Variants in ZNF493 observed in about 807,000 individuals in gnomAD.
The protein encoded by ZNF493 is zinc finger protein 493.
In ZNF493, 11 loss-of-function variants were observed where a neutral mutation model predicts 12.2. The ratio of observed to expected loss-of-function variants is 0.90; its 90% confidence interval spans 0.57 to 1.50. ZNF493 has a LOEUF of 1.50. Ranked by LOEUF, ZNF493 falls within the 40% of genes most tolerant of loss-of-function variation. The pLI, the probability that ZNF493 is intolerant of heterozygous loss-of-function variation, is 0.00. For missense variants in ZNF493, 950 were observed against 906.6 expected (o/e 1.05, Z -0.61); for synonymous variants, 286 against 302.6 (o/e 0.95, Z 0.57).
chr19:21,402,525 C>T (rs561413251), intron 1 of ZNF493, among the ~76,000 whole-genome samples: 5 of 152,250 alleles, frequency 3.3e-5, no homozygotes, highest in African/African-American at 1.2e-4. Context: ...TGCTGTAACA[C>T]CCAAGAATGC....
intron 1 of ZNF493, among the ~76,000 whole-genome samples, chr19:21,402,562 C>T (rs2029984299): frequency 6.6e-6 from 1 of 152,182 alleles, no homozygotes; most frequent in African/African-American, 2.4e-5. Flanking sequence ...CACTTAGAAT[C>T]TGCACATAGG....
rs768366232 is a variant in ZNF493, at chr19:21,424,577, C to G, written c.1918C>G (p.Arg640Gly). The G allele has an allele frequency of 6.2e-7, 1 of 1,608,194 alleles. No individual in the cohort carries two copies. The highest frequency in any genetic ancestry group is 2.2e-5 in the East Asian group (1 of 44,576). ...KCEECGKAFK[R>G]SSHLAGHKQI... Reference sequence around the variant, plus strand: ...TGAAGAATGTGGCAAAGCTTTTAAGCGGTCCTCACACCTCGCTGGGCACAA... The same window carrying G: ...TGAAGAATGTGGCAAAGCTTTTAAGGGGTCCTCACACCTCGCTGGGCACAA... Residue 640 changes from arginine (R) to glycine (G), a missense_variant, in exon 4 of 4, where the codon CGG (arginine) becomes GGG (glycine). Coordinates refer to ENST00000392288, the MANE Select transcript of ZNF493 (RefSeq NM_001076678.3).
chr19:21,401,855 C>G (rs1428446043), intron 1 of ZNF493, among the ~76,000 whole-genome samples: 1 of 152,106 alleles, frequency 6.6e-6, no homozygotes, highest in Non-Finnish European at 1.5e-5. Context: ...TGTTCTTGAA[C>G]TTCTGACCTC....
At chr19:21,422,451 A>T (rs2030707452) in intron 3 of ZNF493, among the ~76,000 whole-genome samples, 1 of 117,218 alleles carries the variant, frequency 8.5e-6, no homozygotes, top group Non-Finnish European at 1.8e-5. Flanking sequence ...TTATTTATTT[A>T]TTTATTTATT....
intron 3 of ZNF493, among the ~76,000 whole-genome samples, chr19:21,410,322 T>C (rs1342524356): frequency 2.6e-5 from 4 of 152,116 alleles, no homozygotes; most frequent in Non-Finnish European, 5.9e-5. Flanking sequence ...CTTTGTTTTC[T>C]ACTAACAATC....
At chr19:21,421,553 CAG>C (rs1306041383) in intron 3 of ZNF493, among the ~76,000 whole-genome samples, 1 of 151,844 alleles carries the variant, frequency 6.6e-6, no homozygotes, top group Non-Finnish European at 1.5e-5. Context: ...TTAGTAGAGA[CAG>C]GGTTTCTCCA....
intron 1 of ZNF493, chr19:21,397,568 G>T: frequency 1.8e-6 from 1 of 562,202 alleles, no homozygotes; most frequent in Non-Finnish European, 3.2e-6. Context: ...ACCACGGGAG[G>T]GTCATCAGGG....
intron 2 of ZNF493, 141 bp downstream of exon 2, chr19:21,405,396 C>T (rs780798796): frequency 6.5e-5 from 95 of 1,468,004 alleles, no homozygotes; most frequent in Middle Eastern, 1.8e-4. Context: ...AAGAACTGTC[C>T]GTGTGGAAAA....
chr19:21,423,365 A>C lies in ZNF493; in HGVS notation c.706A>C (p.Lys236Gln). ...ACACAGGAGAGTTCATACTGGAGAG[A>C]AATCCTACAAATATGAATGTGGCAA... Reference protein sequence around the residue: ...TRHRRVHTGEKSYKYECGKSF... With the variant: ...TRHRRVHTGEQSYKYECGKSF... The change falls in exon 4 of 4, where the codon AAA becomes CAA. Residue 236 changes from lysine to glutamine, a missense_variant. Lys to Gln is a moderately conservative substitution (Grantham distance 53, BLOSUM62 1). Coordinates refer to ENST00000392288, the MANE Select transcript of ZNF493 (RefSeq NM_001076678.3). The C allele has an allele frequency of 6.2e-7, 1 of 1,613,686 alleles. No individual in the cohort carries two copies. The highest frequency in any genetic ancestry group is 1.1e-5 in the South Asian group (1 of 91,078).
chr19:21,418,704 A>T (rs1355416924), intron 3 of ZNF493, among the ~76,000 whole-genome samples: 2 of 152,264 alleles, frequency 1.3e-5, no homozygotes, highest in Non-Finnish European at 2.9e-5. Context: ...GCCAGTCATT[A>T]GCACTGTTTC....
intron 3 of ZNF493, chr19:21,412,884 C>G: frequency 2.4e-6 from 1 of 423,678 alleles, no homozygotes; most frequent in South Asian, 1.7e-5. Context: ...ATAGTGTCCA[C>G]AAATCCTTGT....
At chr19:21,420,930 G>A (rs2030658577) in intron 3 of ZNF493, among the ~76,000 whole-genome samples, 1 of 151,308 alleles carries the variant, frequency 6.6e-6, no homozygotes, top group African/African-American at 2.4e-5. Context: ...TGTATTTTTA[G>A]TAGAGATGGG....
At chr19:21,404,755 C>T (rs1456909887) in intron 1 of ZNF493, among the ~76,000 whole-genome samples, 1 of 152,184 alleles carries the variant, frequency 6.6e-6, no homozygotes, top group Non-Finnish European at 1.5e-5. Context: ...GTTTACTGTT[C>T]ACATTAAAAC....
chr19:21,412,731 C>T (rs2030363605), intron 3 of ZNF493: 2 of 266,942 alleles, frequency 7.5e-6, no homozygotes, highest in Non-Finnish European at 1.5e-5. Context: ...CCATTAAGCA[C>T]TCCAGTTCTT....
In ZNF493 at chr19:21,405,835, A is replaced by T; in HGVS notation, c.232A>T (p.Ser78Cys). 1 of 1,580,240 alleles carries T rather than the reference A, an allele frequency of 6.3e-7. No homozygotes were observed. Among genetic ancestry groups the T allele is most frequent in the Non-Finnish European group, 8.6e-7 (1 of 1,160,120 alleles). ...GKDPWNMKGHSTVVKPPVICS... is the reference protein window; with the variant it reads ...GKDPWNMKGHCTVVKPPVICS... ...AGATCCCTGGAATATGAAGGGACAC[A>T]GTACGGTAGTCAAACCCCCAGGTAG... is the stretch of plus-strand genomic sequence containing the variant. Residue 78 changes from serine (S) to cysteine (C), a missense_variant, in exon 3 of 4, where the codon AGT (serine) becomes TGT (cysteine). Transcript: ENST00000392288.
At chr19:21,420,600 T>TATAGG (rs1555731610) in intron 3 of ZNF493, among the ~76,000 whole-genome samples, 1 of 11,448 alleles carries the variant, frequency 8.7e-5, no homozygotes, top group African/African-American at 5.5e-4. Context: ...ATTATATATA[T>TATAGG]ATATATATAT....
Position 21,424,232 on chromosome 19 carries a change from G to A in ZNF493, c.1573G>A (p.Ala525Thr), listed in dbSNP as rs775841006. Residue 525 changes from alanine to threonine, a missense_variant, in exon 4 of 4, where the codon GCT becomes ACT. Transcript: ENST00000392288. ...KPYKCEECGK[A>T]FKRSSTLTIH... Reference sequence around the variant, plus strand: ...CTACAAATGTGAAGAATGTGGCAAAGCTTTTAAACGATCTTCAACCCTTAC... The same window carrying A: ...CTACAAATGTGAAGAATGTGGCAAAACTTTTAAACGATCTTCAACCCTTAC... The A allele has an allele frequency of 1.9e-6, 3 of 1,612,306 alleles. No individual in the cohort carries two copies. The highest frequency in any genetic ancestry group is 2.2e-5 in the South Asian group (2 of 90,930).
chr19:21,414,259 T>TA (rs1555730986), intron 3 of ZNF493: 1 of 152,206 alleles, frequency 6.6e-6, no homozygotes, highest in Non-Finnish European at 1.5e-5. Flanking sequence ...ATTTGCCAAA[T>TA]AGAGTTAGGT....
intron 3 of ZNF493, chr19:21,412,249 G>A (rs891121839): frequency 4.6e-5 from 7 of 152,234 alleles, no homozygotes; most frequent in Admixed American, 3.3e-4. Context: ...TGGAGGGATG[G>A]GCCAAAATAA....
Sources: allele counts gnomAD v4.1 joint callset (sites outside exome capture counted in the v4.1 genomes callset), GRCh38; gene constraint gnomAD v4.1.1; transcripts MANE v1.5; gene names NCBI Gene and HGNC (gene_info 2026-07-23, HGNC 2026-07-21).